Variants in GRID2 observed in about 807,000 individuals in gnomAD.
GRID2 encodes the protein glutamate ionotropic receptor delta type subunit 2.
A neutral mutation model predicts 114.8 loss-of-function variants in GRID2; 33 were observed. The ratio of observed to expected loss-of-function variants is 0.29; its 90% CI spans 0.22 to 0.38. The LOEUF (loss-of-function observed/expected upper bound fraction) is 0.38, where lower values mean the gene tolerates loss of function less well. Among genes scored for constraint, GRID2 ranks in the 10% least tolerant of loss-of-function variants. The probability of loss-of-function intolerance (pLI) is 1.00; values close to 1 mark genes in which losing one functional copy is unlikely to be tolerated. For synonymous variants in GRID2, 505 were observed against 449.9 expected (o/e 1.12, Z -1.55); for missense variants, 1,184 against 1,257.7 (o/e 0.94, Z 0.89).
chr4:93,238,199 A>G (rs1418815832), intron 7 of GRID2, among the ~76,000 whole-genome samples, 172 bp from the exon 8 acceptor site: 1 of 151,890 alleles, frequency 6.6e-6, no homozygotes, highest in Non-Finnish European at 1.5e-5. Context: ...GTTAGGTTCA[A>G]CTGTACTCCT....
At chr4:92,738,167 G>T (rs1292607983) in intron 2 of GRID2, among the ~76,000 whole-genome samples, 1 of 152,068 alleles carries the variant, frequency 6.6e-6, no homozygotes, top group Non-Finnish European at 1.5e-5. Context: ...GCATTTTTCT[G>T]ATGGCCAGTG....
intron 2 of GRID2, among the ~76,000 whole-genome samples, chr4:93,036,384 A>T (rs1287792851): frequency 1.3e-5 from 2 of 152,114 alleles, no homozygotes; most frequent in African/African-American, 4.8e-5. Context: ...CCATTTGTGC[A>T]CTCTGTGCTC....
At chr4:92,316,152 G>A (rs182982334) in intron 1 of GRID2, among the ~76,000 whole-genome samples, 21 of 152,212 alleles carry the variant, frequency 1.4e-4, no homozygotes, top group African/African-American at 4.6e-4. Flanking sequence ...GGCAGTTGCT[G>A]TCTTGCTACT....
At chr4:93,181,582 C>T (rs1286153271) in intron 4 of GRID2, among the ~76,000 whole-genome samples, 1 of 152,134 alleles carries the variant, frequency 6.6e-6, no homozygotes. Context: ...TTAATGTAGC[C>T]ACCATCGTCA....
At chr4:93,606,916 T>C (rs1740301086) in intron 13 of GRID2, among the ~76,000 whole-genome samples, 2 of 152,190 alleles carry the variant, frequency 1.3e-5, no homozygotes, top group African/African-American at 4.8e-5. Flanking sequence ...TGGGCTTTTA[T>C]TCAGTATTCT....
At chr4:93,778,393 C>CTTTTTTTTT (rs36000401), downstream of GRID2, among the ~76,000 whole-genome samples, 5 of 98,600 alleles carry the variant, frequency 5.1e-5, 1 homozygote, top group Non-Finnish European at 7.7e-5. Flanking sequence ...TCTCATTTGG[C>CTTTTTTTTT]TTTTTTTTTT....
chr4:92,643,182 G>A (rs1731445898), intron 2 of GRID2, among the ~76,000 whole-genome samples: 1 of 151,648 alleles, frequency 6.6e-6, no homozygotes, highest in Non-Finnish European at 1.5e-5. Context: ...TATGTACATT[G>A]CTTTGGGCGC....
At chr4:93,117,516 G>A (rs1427808214) in intron 4 of GRID2, among the ~76,000 whole-genome samples, 1 of 152,048 alleles carries the variant, frequency 6.6e-6, no homozygotes, top group Admixed American at 6.6e-5. Flanking sequence ...GCACTTTCAT[G>A]ATCATATATT....
chr4:92,941,442 A>G (rs920025413), intron 2 of GRID2, among the ~76,000 whole-genome samples: 1 of 151,886 alleles, frequency 6.6e-6, no homozygotes, highest in South Asian at 2.1e-4. Context: ...TATTGTGTCT[A>G]TTTGATTCTT....
intron 1 of GRID2, among the ~76,000 whole-genome samples, chr4:92,552,292 T>G (rs937118565): frequency 5.4e-5 from 8 of 147,172 alleles, no homozygotes; most frequent in African/African-American, 1.5e-4. Context: ...AAGGAAAGAA[T>G]AGAAACTTTG....
intron 2 of GRID2, among the ~76,000 whole-genome samples, chr4:93,036,059 C>G (rs529312331): frequency 6.6e-6 from 1 of 152,158 alleles, no homozygotes; most frequent in Admixed American, 6.5e-5. Flanking sequence ...TTGGGAAATT[C>G]CTGTTGCTGG....
chr4:92,470,908 A>T (rs908510511), intron 1 of GRID2, among the ~76,000 whole-genome samples: 1 of 151,972 alleles, frequency 6.6e-6, no homozygotes, highest in African/African-American at 2.4e-5. Flanking sequence ...GCTTCACAGG[A>T]ATGTTGTCTA....
chr4:93,801,393 T>C (rs1312255989), intron 1 of GRID2, among the ~76,000 whole-genome samples: 3 of 152,134 alleles, frequency 2.0e-5, no homozygotes, highest in Non-Finnish European at 4.4e-5. Flanking sequence ...CTTATTTTCT[T>C]TTTTTATTTT....
chr4:93,309,527 G>C (rs1222267243), intron 8 of GRID2, among the ~76,000 whole-genome samples: 3 of 151,548 alleles, frequency 2.0e-5, no homozygotes, highest in African/African-American at 7.3e-5. Flanking sequence ...GACAGAGCAA[G>C]ACCTTGTCTC....
intron 9 of GRID2, among the ~76,000 whole-genome samples, chr4:93,412,177 A>T (rs1386606812): frequency 2.0e-5 from 3 of 151,360 alleles, no homozygotes; most frequent in African/African-American, 7.3e-5. Context: ...GCATTTGGGG[A>T]TCACTTGAGG....
At chr4:93,660,535 CTCTA>C (rs1341774653) in intron 14 of GRID2, among the ~76,000 whole-genome samples, 1 of 152,144 alleles carries the variant, frequency 6.6e-6, no homozygotes, top group Non-Finnish European at 1.5e-5. Context: ...GAGAAATACT[CTCTA>C]TCAAATGGAG....
intron 2 of GRID2, among the ~76,000 whole-genome samples, chr4:92,748,416 C>A (rs1203293840): frequency 1.3e-5 from 2 of 152,016 alleles, no homozygotes; most frequent in African/African-American, 4.8e-5. Context: ...GTGTTGACTT[C>A]ATCCTGAAAA....
intron 14 of GRID2, among the ~76,000 whole-genome samples, chr4:93,699,876 T>C (rs1457505074): frequency 6.6e-6 from 1 of 152,140 alleles, no homozygotes; most frequent in Non-Finnish European, 1.5e-5. Flanking sequence ...CCAAAATTAT[T>C]GACATAAGCT....
At chr4:93,051,534 A>C (rs190495517) in intron 2 of GRID2, among the ~76,000 whole-genome samples, 2 of 152,070 alleles carry the variant, frequency 1.3e-5, no homozygotes, top group Non-Finnish European at 2.9e-5. Context: ...GATTCCCTCA[A>C]CTTTACAGCT....
Sources: allele counts gnomAD v4.1 joint callset (sites outside exome capture counted in the v4.1 genomes callset), GRCh38; gene constraint gnomAD v4.1.1; transcripts MANE v1.5; gene names NCBI Gene and HGNC (gene_info 2026-07-23, HGNC 2026-07-21).